CADPS2: variants seen among roughly 807,000 people sequenced by gnomAD.
CADPS2 encodes the protein calcium-dependent secretion activator 2.
CADPS2 carries 93 observed loss-of-function variants against 172.5 expected under a neutral mutation model. The observed-to-expected ratio is 0.54, with a 90% CI of 0.46 to 0.64. The LOEUF (loss-of-function observed/expected upper bound fraction) is 0.64. CADPS2 is among the 30% of genes least tolerant of loss of function. The probability of loss-of-function intolerance (pLI) is 0.00; values close to 1 mark genes in which losing one functional copy is unlikely to be tolerated. For synonymous variants in CADPS2, 546 were observed against 555.2 expected (o/e 0.98, Z 0.23); for missense variants, 1,420 against 1,565.9 (o/e 0.91, Z 1.57).
chr7:122,436,678 C>A (rs957666521), intron 17 of CADPS2, among the ~76,000 whole-genome samples: 7 of 152,050 alleles, frequency 4.6e-5, no homozygotes, highest in Non-Finnish European at 1.0e-4. Context: ...CCAGAATATT[C>A]TTCCATTAGA....
At chr7:122,458,458 T>C (rs1437916153) in intron 14 of CADPS2, among the ~76,000 whole-genome samples, 1 of 152,270 alleles carries the variant, frequency 6.6e-6, no homozygotes, top group East Asian at 1.9e-4. Context: ...ATTTTAAATA[T>C]CCAGAAGAAA....
At chr7:122,408,795 A>G (rs1476090087) in intron 19 of CADPS2, among the ~76,000 whole-genome samples, 1 of 152,148 alleles carries the variant, frequency 6.6e-6, no homozygotes, top group Non-Finnish European at 1.5e-5. Context: ...ATTTTGACAC[A>G]CTATTTTCTT....
In CADPS2 at chr7:122,458,983, G is replaced by A. The variant is rs374725326; in HGVS notation, c.2187-7508C>T. 5.1e-4 allele frequency among the ~76,000 whole-genome samples: 77 copies of A among 151,886 alleles called. 3 individuals carry two copies. In the South Asian group the frequency reaches 0.016, roughly 31 times the overall value. ...AAAAACAACATATATTGTAACTAAA[G>A]GACTTCATATATATCATACTATGAG... On this transcript the variant is annotated intron_variant, in intron 14 of 29. Transcript: ENST00000449022.
At chr7:122,348,272 C>A (rs569635781) in intron 27 of CADPS2, among the ~76,000 whole-genome samples, 1 of 152,298 alleles carries the variant, frequency 6.6e-6, no homozygotes, top group South Asian at 2.1e-4. Flanking sequence ...AATTTCTTTT[C>A]TGTTTCCTTG....
chr7:122,707,335 A>C (rs753853214), intron 2 of CADPS2, among the ~76,000 whole-genome samples: 6 of 151,892 alleles, frequency 4.0e-5, no homozygotes, highest in Non-Finnish European at 7.4e-5. Context: ...GCGCCAATTA[A>C]ATTTTTTAGA....
chr7:122,886,242 A>G lies in CADPS2; in HGVS notation c.96T>C (p.Ala32=). 2 of 1,497,572 alleles carry G rather than the reference A, an allele frequency of 1.3e-6. No homozygotes were observed. Among genetic ancestry groups the G allele is most frequent in the Non-Finnish European group, 1.8e-6 (2 of 1,130,998 alleles). 92.8% of individuals were successfully genotyped at this position (1,497,572 alleles called of 1,614,324 possible). A position where few individuals can be genotyped will look rare whatever the true frequency, so the allele number is the denominator to read the frequency against. The change falls in exon 1 of 30, where the codon GCT becomes GCC. Residue 32 remains alanine (A), a synonymous_variant. Coordinates refer to ENST00000449022, the MANE Select transcript of CADPS2 (RefSeq NM_017954.11). ...GCCCTTCCCGAGTCGGGGCTGGAGG[A>G]GCTCGCTGCGAGCTGCCGGCTGCCA... is the stretch of plus-strand genomic sequence containing the variant. ...VLVAAGSSQR[A]PPAPTREGRR... is the part of the protein sequence containing the mutation.
At chr7:122,664,961 A>ATT (rs3034542) in intron 2 of CADPS2, among the ~76,000 whole-genome samples, 6 of 135,610 alleles carry the variant, frequency 4.4e-5, no homozygotes, top group South Asian at 2.3e-4. Context: ...TAGTTTTTGT[A>ATT]TTTTTTTTTT....
At chr7:122,676,575 T>A in intron 2 of CADPS2, 1 of 849,374 alleles carries the variant, frequency 1.2e-6, no homozygotes, top group Non-Finnish European at 1.8e-6. Context: ...CCCAATTAAA[T>A]ATCCACTTCA....
rs1357055984 is a variant in CADPS2 at position 122,407,842 on chromosome 7, G to A, written c.2590-146C>T. On this transcript the variant is annotated intron_variant, in intron 19 of 29. Coordinates refer to ENST00000449022, the MANE Select transcript of CADPS2 (RefSeq NM_017954.11). ...CAAAATATAATAGTTTTTAACCTGA[G>A]AAAAATTTTATAGGTACACATTAAA... 1.5e-5 allele frequency: 11 copies of A among 740,310 alleles called. No homozygotes were observed. In the South Asian group the frequency reaches 2.1e-4, roughly 14 times the overall value. 45.9% of individuals were successfully genotyped at this position (740,310 alleles called of 1,614,324 possible).
At chr7:122,553,953 G>T (rs1587205402) in intron 8 of CADPS2, among the ~76,000 whole-genome samples, 1 of 152,024 alleles carries the variant, frequency 6.6e-6, no homozygotes. Flanking sequence ...ATCACCAGCT[G>T]CAACAGACAA....
intron 14 of CADPS2, among the ~76,000 whole-genome samples, chr7:122,462,267 T>C (rs940240130): frequency 5.9e-5 from 9 of 152,112 alleles, no homozygotes; most frequent in African/African-American, 2.2e-4. Flanking sequence ...GACTCTGAAC[T>C]ACCTAGGAGG....
chr7:122,457,773 T>C (rs1232638799), intron 14 of CADPS2, among the ~76,000 whole-genome samples: 1 of 152,200 alleles, frequency 6.6e-6, no homozygotes, highest in Non-Finnish European at 1.5e-5. Flanking sequence ...TGCACAGCTT[T>C]TAGATATGTG....
chr7:122,665,966 CA>C (rs887440979), intron 2 of CADPS2, among the ~76,000 whole-genome samples: 2 of 152,148 alleles, frequency 1.3e-5, no homozygotes, highest in African/African-American at 4.8e-5. Context: ...AGATGTTTAA[CA>C]ATATGTTTTG....
chr7:122,534,554 T>C (rs985337640), intron 8 of CADPS2, among the ~76,000 whole-genome samples: 1 of 152,042 alleles, frequency 6.6e-6, no homozygotes, highest in Non-Finnish European at 1.5e-5. Context: ...AGATGAGAAA[T>C]AAATGTCAAA....
chr7:122,701,860 C>T (rs374475184), intron 2 of CADPS2: 20 of 1,606,308 alleles, frequency 1.2e-5, no homozygotes, highest in Non-Finnish European at 1.6e-5. Flanking sequence ...CACACTTGCA[C>T]ATGGGACATG....
Position 122,474,469 on chromosome 7 carries a change from T to G in CADPS2, c.1910A>C (p.Asn637Thr), listed in dbSNP as rs756978067. ...KHGMDEFISA[N>T]PCKLDHAFLF... ...GAAGGCATGATCAAGCTTGCAGGGG[T>G]TTGCAGAAATAAACTCATCCATACC... Residue 637 changes from asparagine (N) to threonine (T), a missense_variant, in exon 13 of 30, where the codon AAC (asparagine) becomes ACC (threonine). Physicochemically the swap from Asn to Thr is moderately conservative, Grantham distance 65. Transcript: ENST00000449022. The G allele has an allele frequency of 4.3e-6, 7 of 1,613,198 alleles. No individual in the cohort carries two copies. In the Admixed American group the frequency reaches 1.0e-4, roughly 23 times the overall value.
chr7:122,466,787 G>A (rs1417067820), intron 14 of CADPS2, among the ~76,000 whole-genome samples: 2 of 152,178 alleles, frequency 1.3e-5, no homozygotes, highest in East Asian at 3.9e-4. Context: ...TGGAGAAGCT[G>A]AGGCTCAGAC....
intron 7 of CADPS2, among the ~76,000 whole-genome samples, chr7:122,573,673 T>C (rs900296644): frequency 6.6e-6 from 1 of 152,134 alleles, no homozygotes; most frequent in African/African-American, 2.4e-5. Flanking sequence ...TACTCAAGAA[T>C]ACCATTCAAC....
chr7:122,667,898 G>A (rs1447677949), intron 2 of CADPS2, among the ~76,000 whole-genome samples: 1 of 152,132 alleles, frequency 6.6e-6, no homozygotes, highest in Non-Finnish European at 1.5e-5. Context: ...TTTCATACTA[G>A]CAGGGACATT....
Sources: gnomAD v4.1 joint callset for allele counts (sites outside exome capture counted in the v4.1 genomes callset) on GRCh38, gnomAD v4.1.1 for gene constraint, MANE v1.5 for transcripts, NCBI Gene and HGNC (gene_info 2026-07-23, HGNC 2026-07-21) for gene names.